LRRFIP2: variants seen among roughly 807,000 people sequenced by gnomAD.
LRRFIP2 encodes leucine-rich repeat flightless-interacting protein 2.
In LRRFIP2, 109 loss-of-function variants were observed where a neutral mutation model predicts 125.9. The observed-to-expected ratio is 0.87, with a 90% CI of 0.74 to 1.01. The LOEUF (loss-of-function observed/expected upper bound fraction) is 1.01, where lower values mean the gene tolerates loss of function less well. Ranked by LOEUF, LRRFIP2 falls within the 50% of genes least tolerant of loss-of-function variation. The pLI, the probability that LRRFIP2 is intolerant of heterozygous loss-of-function variation, is 0.00. For synonymous variants in LRRFIP2, 291 were observed against 293.1 expected, an observed-to-expected ratio of 0.99 and a Z score of 0.07; for missense variants, 850 against 862.3, an observed-to-expected ratio of 0.99 and a Z score of 0.18.
At chr3:37,065,616 G>A (rs2089969228) in intron 23 of LRRFIP2, 194 bp downstream of exon 23, 7 of 721,184 alleles carry the variant, frequency 9.7e-6, no homozygotes, top group Non-Finnish European at 1.7e-5. Context: ...TTGCCTTACA[G>A]TGACCCAGAT....
Position 37,102,964 on chromosome 3 carries a change from A to C in LRRFIP2, c.833T>G (p.Val278Gly). Residue 278 changes from valine to glycine, a missense_variant, in exon 15 of 28, where the codon GTC (valine) becomes GGC (glycine). Val to Gly is a moderately radical substitution (Grantham distance 109). Coordinates refer to ENST00000336686, the MANE Select transcript of LRRFIP2 (RefSeq NM_006309.4). ...GATACTGATATCATCCACCTCAGAG[A>C]CAACACTTCCCCTACGATTGGAGCG... ...FSRSNRRGSV[V>G]SEVDDISIPD... The C allele has an allele frequency of 6.4e-7, 1 of 1,566,600 alleles. No homozygotes were observed. The highest frequency in any genetic ancestry group is 8.7e-7 in the Non-Finnish European group (1 of 1,153,702).
chr3:37,104,978 G>A (rs188516875), intron 14 of LRRFIP2, among the ~76,000 whole-genome samples: 16 of 152,092 alleles, frequency 1.1e-4, no homozygotes, highest in East Asian at 9.7e-4. Context: ...CCAAGTAGCT[G>A]GGATTATAGG....
chr3:37,163,690 G>A (rs926331283), intron 1 of LRRFIP2, among the ~76,000 whole-genome samples: 1 of 152,210 alleles, frequency 6.6e-6, no homozygotes. Context: ...AGCCTATCCT[G>A]ACTAACAGAC....
chr3:37,054,984 T>C (rs2086402579), intron 26 of LRRFIP2, 102 bp downstream of exon 26: 7 of 726,078 alleles, frequency 9.6e-6, no homozygotes. Flanking sequence ...ACAGAACTAT[T>C]ATTGATCCAA....
At chr3:37,156,102 T>C (rs936403397) in intron 1 of LRRFIP2, among the ~76,000 whole-genome samples, 3 of 152,076 alleles carry the variant, frequency 2.0e-5, no homozygotes, top group African/African-American at 7.2e-5. Context: ...CTTGAACCCC[T>C]GGGCTCGAGC....
chr3:37,107,888 T>C (rs2094402966), intron 13 of LRRFIP2, among the ~76,000 whole-genome samples, 185 bp downstream of exon 13: 1 of 152,178 alleles, frequency 6.6e-6, no homozygotes, highest in Non-Finnish European at 1.5e-5. Context: ...ACATGCTAAG[T>C]CACATTTATA....
chr3:37,094,537 T>G (rs545452854), intron 17 of LRRFIP2, among the ~76,000 whole-genome samples: 14 of 151,966 alleles, frequency 9.2e-5, no homozygotes, highest in South Asian at 6.2e-4. Context: ...ACAAAGTGGG[T>G]TTTTTTTGGC....
At chr3:37,159,714 C>A (rs2096283266) in intron 1 of LRRFIP2, among the ~76,000 whole-genome samples, 1 of 151,710 alleles carries the variant, frequency 6.6e-6, no homozygotes, top group African/African-American at 2.4e-5. Context: ...ACCACGTTGG[C>A]CAGGCTGTTC....
chr3:37,136,972 G>GA (rs2095571919), intron 2 of LRRFIP2, among the ~76,000 whole-genome samples: 1 of 84,026 alleles, frequency 1.2e-5, no homozygotes, highest in Non-Finnish European at 2.5e-5. Context: ...GGGTGGGGGG[G>GA]TGGGGGGGGG....
chr3:37,115,821 A>G (rs2094756510), intron 6 of LRRFIP2, among the ~76,000 whole-genome samples: 1 of 152,216 alleles, frequency 6.6e-6, no homozygotes, highest in Admixed American at 6.5e-5. Flanking sequence ...CCACATTTCA[A>G]ATCCAGGGAA....
chr3:37,162,255 C>T (rs1297103490), intron 1 of LRRFIP2, among the ~76,000 whole-genome samples: 2 of 150,398 alleles, frequency 1.3e-5, no homozygotes, highest in Non-Finnish European at 3.0e-5. Context: ...AGGTGCCAGA[C>T]TAAAAGGGCC....
At chr3:37,128,943 T>TA in intron 3 of LRRFIP2, 120 bp downstream of exon 3, 1 of 868,164 alleles carries the variant, frequency 1.2e-6, no homozygotes, top group Non-Finnish European at 1.9e-6. Context: ...ATAAAATACA[T>TA]ACATCAGTTT....
intron 21 of LRRFIP2, chr3:37,068,625 T>C (rs1287369008): frequency 1.3e-5 from 2 of 152,204 alleles, no homozygotes; most frequent in African/African-American, 4.8e-5. Context: ...TGTGCAACAA[T>C]AGCTCCTACA....
chr3:37,165,781 A>G (rs575241529), intron 1 of LRRFIP2, among the ~76,000 whole-genome samples: 1 of 135,048 alleles, frequency 7.4e-6, no homozygotes, highest in East Asian at 2.1e-4. Flanking sequence ...AAAAGAAAAG[A>G]AAAGAGAAAG....
intron 12 of LRRFIP2, 45 bp downstream of exon 12, chr3:37,108,592 C>A: frequency 1.3e-6 from 2 of 1,491,032 alleles, no homozygotes; most frequent in South Asian, 1.2e-5. Context: ...ACTGTGCCCA[C>A]CCACATTTCC....
intron 2 of LRRFIP2, among the ~76,000 whole-genome samples, chr3:37,132,412 T>TA (rs1296616456): frequency 6.6e-6 from 1 of 152,138 alleles, no homozygotes; most frequent in Non-Finnish European, 1.5e-5. Context: ...AAACCCAACT[T>TA]AGAGATAATT....
chr3:37,062,360 GA>G (rs2088990176), intron 24 of LRRFIP2, among the ~76,000 whole-genome samples: 1 of 151,972 alleles, frequency 6.6e-6, no homozygotes, highest in Non-Finnish European at 1.5e-5. Flanking sequence ...AACATTTGTT[GA>G]ATGACTGAAT....
chr3:37,079,284 TG>T (rs2092411557), intron 19 of LRRFIP2, among the ~76,000 whole-genome samples: 1 of 152,170 alleles, frequency 6.6e-6, no homozygotes, highest in Admixed American at 6.5e-5. Context: ...TAACAAGTGT[TG>T]GTGAGGATGT....
intron 1 of LRRFIP2, among the ~76,000 whole-genome samples, chr3:37,166,930 G>A (rs1404627159): frequency 1.3e-5 from 2 of 151,752 alleles, no homozygotes; most frequent in Non-Finnish European, 2.9e-5. Context: ...AGGCAGAATC[G>A]CTTCAACCTG....
Sources: gnomAD v4.1 joint callset for allele counts (sites outside exome capture counted in the v4.1 genomes callset) on GRCh38, gnomAD v4.1.1 for gene constraint, MANE v1.5 for transcripts, NCBI Gene and HGNC (gene_info 2026-07-23, HGNC 2026-07-21) for gene names.